The following ADAMTSL3 variants were observed in gnomAD, a reference collection of about 807,000 sequenced individuals.
The protein encoded by ADAMTSL3 is ADAMTS-like protein 3.
A neutral mutation model predicts 201.7 loss-of-function variants in ADAMTSL3; 128 were observed. That is an observed-to-expected ratio of 0.63 (90% CI 0.55 to 0.73). ADAMTSL3 has a LOEUF of 0.73. Among genes scored for constraint, ADAMTSL3 ranks in the 30% least tolerant of loss-of-function variants. ADAMTSL3 has a pLI of 0.00. For synonymous variants in ADAMTSL3, 738 were observed against 748.4 expected, an observed-to-expected ratio of 0.99 and a Z score of 0.23; for missense variants, 1,990 against 2,119.6, an observed-to-expected ratio of 0.94 and a Z score of 1.20.
intron 2 of ADAMTSL3, among the ~76,000 whole-genome samples, chr15:83,671,392 T>C (rs2061327407): frequency 6.6e-6 from 1 of 152,184 alleles, no homozygotes; most frequent in South Asian, 2.1e-4. Context: ...ATTTGATCAA[T>C]ATAAAATACA....
chr15:83,730,922 C>T (rs1276211180), intron 3 of ADAMTSL3, among the ~76,000 whole-genome samples: 1 of 152,022 alleles, frequency 6.6e-6, no homozygotes, highest in Non-Finnish European at 1.5e-5. Context: ...ACATTTAAGT[C>T]TTCAAGGCAT....
chr15:83,870,832 A>C lies in ADAMTSL3; in HGVS notation c.833A>C (p.Lys278Thr), dbSNP rs2065065941. 1 of 1,605,390 alleles carries C rather than the reference A, an allele frequency of 6.2e-7. No homozygotes were observed. Among genetic ancestry groups the C allele is most frequent in the South Asian group, 1.1e-5 (1 of 88,540 alleles). Residue 278 changes from lysine to threonine, a missense_variant, in exon 9 of 30, where the codon AAA becomes ACA. Coordinates refer to ENST00000286744, the MANE Select transcript of ADAMTSL3 (RefSeq NM_207517.3). ...FIESKTLQGS[K>T]GEHSFNSPGV... ...GAATCAAAAACACTTCAAGGAAGCA[A>C]AGGAGAACACAGCTTTAACAGCCCC...
chr15:84,028,180 G>T (rs1347046697), intron 27 of ADAMTSL3, among the ~76,000 whole-genome samples: 5 of 152,058 alleles, frequency 3.3e-5, no homozygotes, highest in Non-Finnish European at 5.9e-5. Context: ...TATGGTAAAG[G>T]TTATACAACT....
intron 23 of ADAMTSL3, among the ~76,000 whole-genome samples, chr15:84,000,322 AT>A (rs1316449688): frequency 6.6e-6 from 1 of 152,122 alleles, no homozygotes; most frequent in South Asian, 2.1e-4. Flanking sequence ...TAAAATTGTC[AT>A]TTTGAAATGT....
intron 5 of ADAMTSL3, among the ~76,000 whole-genome samples, chr15:83,819,379 A>G (rs2063821298): frequency 6.6e-6 from 1 of 152,158 alleles, no homozygotes; most frequent in Non-Finnish European, 1.5e-5. Context: ...ATGGATAACA[A>G]TTAAATTTTG....
intron 25 of ADAMTSL3, among the ~76,000 whole-genome samples, chr15:84,016,970 GATCAAGGC>G: frequency 6.6e-6 from 1 of 152,264 alleles, no homozygotes; most frequent in African/African-American, 2.4e-5. Context: ...AAGGCCAAGG[GATCAAGGC>G]AGAGTTAAGA....
chr15:83,885,223 G>A lies in ADAMTSL3; in HGVS notation c.1072+11G>A. On this transcript the variant is annotated intron_variant, in intron 10 of 29. Coordinates refer to ENST00000286744, the MANE Select transcript of ADAMTSL3 (RefSeq NM_207517.3). The stretch of plus-strand genomic sequence containing the variant: ...TGACGTGTGGAGGAGGTGAGGCCCA[G>A]GCTTTGTTCATGAATATTTAGAGCT... 1.3e-6 allele frequency: 2 copies of A among 1,585,902 alleles called. No homozygotes were observed. Among genetic ancestry groups the A allele is most frequent in the Non-Finnish European group, 1.7e-6 (2 of 1,155,028 alleles).
chr15:83,791,635 G>A (rs1012655888), intron 4 of ADAMTSL3, among the ~76,000 whole-genome samples: 3 of 152,166 alleles, frequency 2.0e-5, no homozygotes, highest in African/African-American at 7.2e-5. Flanking sequence ...GAGGCGGGCA[G>A]ATCACGAGGT....
intron 7 of ADAMTSL3, among the ~76,000 whole-genome samples, chr15:83,851,903 A>G (rs1190217229): frequency 2.0e-5 from 3 of 152,220 alleles, no homozygotes; most frequent in Admixed American, 1.3e-4. Flanking sequence ...ACCATCCACA[A>G]ACTCCTAACC....
intron 3 of ADAMTSL3, 108 bp from the exon 4 acceptor site, chr15:83,773,415 A>C (rs558362389): frequency 7.7e-7 from 1 of 1,306,136 alleles, no homozygotes; most frequent in East Asian, 2.5e-5. Context: ...AATTAAAAAA[A>C]AAAAGGTGAC....
intron 24 of ADAMTSL3, among the ~76,000 whole-genome samples, chr15:84,015,236 G>T (rs550094020): frequency 1.1e-4 from 16 of 152,270 alleles, no homozygotes; most frequent in African/African-American, 3.4e-4. Context: ...GAACCACTGC[G>T]CCCGGTCAGA....
chr15:83,890,501 C>G (rs1025410453), intron 11 of ADAMTSL3, among the ~76,000 whole-genome samples: 1 of 152,176 alleles, frequency 6.6e-6, no homozygotes, highest in African/African-American at 2.4e-5. Context: ...TGAACAGCTC[C>G]TGCTCTCTTC....
chr15:83,818,989 C>G (rs2063811879), intron 5 of ADAMTSL3, among the ~76,000 whole-genome samples: 1 of 152,092 alleles, frequency 6.6e-6, no homozygotes, highest in Non-Finnish European at 1.5e-5. Flanking sequence ...AAAACAACGA[C>G]AGGCCGGGCA....
intron 6 of ADAMTSL3, among the ~76,000 whole-genome samples, chr15:83,822,429 C>T (rs2063898042): frequency 6.8e-6 from 1 of 147,726 alleles, no homozygotes; most frequent in Admixed American, 6.6e-5. Flanking sequence ...GGTCTCCTCA[C>T]TTCTCAGACG....
intron 3 of ADAMTSL3, among the ~76,000 whole-genome samples, chr15:83,749,332 C>T (rs1290775724): frequency 1.3e-5 from 2 of 152,098 alleles, no homozygotes; most frequent in Non-Finnish European, 2.9e-5. Flanking sequence ...AGTCAACCAC[C>T]GAAAAGACTG....
rs531924080 is a variant in ADAMTSL3, at chr15:83,973,610, C to T, written c.2644+2973C>T. On this transcript the variant is annotated intron_variant, in intron 20 of 29. Transcript: ENST00000286744. Reference sequence around the variant, plus strand: ...TTGTGCCCTATTTTCTAAGAATGCCCTAGAAATTCACCATAGCAACTATTT... The same window carrying T: ...TTGTGCCCTATTTTCTAAGAATGCCTTAGAAATTCACCATAGCAACTATTT... Among the ~76,000 whole-genome samples, 13 of 152,246 alleles carry T rather than the reference C, an allele frequency of 8.5e-5. No homozygotes were observed. In the South Asian group the frequency reaches 2.5e-3, roughly 29 times the overall value.
chr15:83,890,145 G>A lies in ADAMTSL3; in HGVS notation c.1109G>A (p.Arg370His), dbSNP rs762979363. The A allele has an allele frequency of 3.7e-6, 6 of 1,613,448 alleles. No homozygotes were observed. Among genetic ancestry groups the A allele is most frequent in the Middle Eastern group, 1.7e-4 (1 of 6,060 alleles). Residue 370 changes from arginine (R) to histidine (H), a missense_variant, in exon 11 of 30, where the codon CGC (arginine) becomes CAC (histidine). Physicochemically the swap from Arg to His is conservative, Grantham distance 29. Coordinates refer to ENST00000286744, the MANE Select transcript of ADAMTSL3 (RefSeq NM_207517.3). The stretch of plus-strand genomic sequence containing the variant: ...AATTCTGCTGAATGTGTGGATATCC[G>A]CTTGAAGAGGGTAGTTCCTGACCAT... Reference protein sequence around the residue: ...QLNSAECVDIRLKRVVPDHYC... With the variant: ...QLNSAECVDIHLKRVVPDHYC...
rs147132762 is a variant in ADAMTSL3 at position 83,736,890 on chromosome 15, C to T, written c.189+32382C>T. Among the ~76,000 whole-genome samples the T allele has an allele frequency of 4.4e-3, 667 of 152,194 alleles. 3 individuals carry two copies. Among genetic ancestry groups the T allele is most frequent in the Middle Eastern group, 6.8e-3 (2 of 292 alleles). On this transcript the variant is annotated intron_variant, in intron 3 of 29. Coordinates refer to ENST00000286744, the MANE Select transcript of ADAMTSL3 (RefSeq NM_207517.3). Reference sequence around the variant, plus strand: ...ATAGTAAACAGTTTTGTCAAACAAACGGATACTTAAGTACAAAGAGAAGAA... The same window carrying T: ...ATAGTAAACAGTTTTGTCAAACAAATGGATACTTAAGTACAAAGAGAAGAA...
At chr15:83,925,646 G>A (rs368923275) in intron 17 of ADAMTSL3, among the ~76,000 whole-genome samples, 1 of 152,192 alleles carries the variant, frequency 6.6e-6, no homozygotes, top group African/African-American at 2.4e-5. Context: ...TCCAAGAATA[G>A]CAAATATATT....
Sources: allele counts gnomAD v4.1 joint callset (sites outside exome capture counted in the v4.1 genomes callset), GRCh38; gene constraint gnomAD v4.1.1; transcripts MANE v1.5; gene names NCBI Gene and HGNC (gene_info 2026-07-23, HGNC 2026-07-21).